The following CIROZ variants were observed in gnomAD, a reference collection of about 807,000 sequenced individuals.
CIROZ encodes the protein ciliated left-right organizer ZP-N domains-containing protein.
At chr1:10,958,715 TG>T in the CIROZ span, 1 of 1,614,132 alleles carries the variant, frequency 6.2e-7, no homozygotes, top group East Asian at 2.2e-5. Context: ...CCCGCTTACC[TG>T]TCTATTGTCC....
chr1:10,980,462 C>T, the CIROZ span, among the ~76,000 whole-genome samples: 6 of 152,286 alleles, frequency 3.9e-5, no homozygotes, highest in African/African-American at 1.2e-4. Context: ...AGCGGGGAGG[C>T]GCTATTATTA....
At chr1:10,966,744 C>T in the CIROZ span, among the ~76,000 whole-genome samples, 1 of 152,132 alleles carries the variant, frequency 6.6e-6, no homozygotes, top group Non-Finnish European at 1.5e-5. Flanking sequence ...GCAGCTGCCT[C>T]CTCCCATGTC....
At chr1:10,951,745 A>ATATATAT in the CIROZ span, among the ~76,000 whole-genome samples, 5 of 119,206 alleles carry the variant, frequency 4.2e-5, no homozygotes, top group African/African-American at 1.8e-4. Context: ...AAAAAAAAAA[A>ATATATAT]ATATATATAT....
the CIROZ span, among the ~76,000 whole-genome samples, chr1:10,980,418 G>A: frequency 6.6e-6 from 1 of 152,258 alleles, no homozygotes; most frequent in Admixed American, 6.5e-5. Flanking sequence ...CTGCTGCCTG[G>A]ACACTGAGCC....
At chr1:10,948,418 C>G in the CIROZ span, 5 of 1,613,146 alleles carry the variant, frequency 3.1e-6, no homozygotes, top group Non-Finnish European at 4.2e-6. Flanking sequence ...GGCTCAGGTG[C>G]AGCCACATCC....
the CIROZ span, among the ~76,000 whole-genome samples, chr1:10,967,130 C>T: frequency 5.5e-5 from 8 of 144,284 alleles, no homozygotes; most frequent in Admixed American, 2.1e-4. Flanking sequence ...GCCTGGGTGA[C>T]GGAGTGAAAC....
chr1:10,960,663 C>T, the CIROZ span, among the ~76,000 whole-genome samples: 1 of 152,246 alleles, frequency 6.6e-6, no homozygotes, highest in African/African-American at 2.4e-5. This position sits in a 1 kb window ranked among gnomAD's most constrained non-coding sequence, Gnocchi z 4.6. Flanking sequence ...TAAGCGAGCT[C>T]GCAGATCGCT....
chr1:10,966,629 A>C, the CIROZ span: 13 of 947,042 alleles, frequency 1.4e-5, no homozygotes, highest in Non-Finnish European at 1.9e-5. Flanking sequence ...AATTTTTAAA[A>C]GTCTGGAAAG....
the CIROZ span, among the ~76,000 whole-genome samples, chr1:10,950,319 G>A: frequency 6.6e-6 from 1 of 152,292 alleles, no homozygotes; most frequent in South Asian, 2.1e-4. Context: ...ACAGGAGTGA[G>A]CCACCACGAC....
the CIROZ span, among the ~76,000 whole-genome samples, chr1:10,966,789 T>G: frequency 6.6e-6 from 1 of 152,078 alleles, no homozygotes; most frequent in Non-Finnish European, 1.5e-5. Context: ...TTGTGTATAT[T>G]TCATGCAGCA....
At chr1:10,966,212 C>T in the CIROZ span, 2 of 1,107,186 alleles carry the variant, frequency 1.8e-6, no homozygotes, top group Non-Finnish European at 2.4e-6. Flanking sequence ...CCATAAACTC[C>T]ATGAGGGCAG....
the CIROZ span, among the ~76,000 whole-genome samples, chr1:10,977,083 C>T: frequency 3.9e-5 from 6 of 152,146 alleles, no homozygotes; most frequent in East Asian, 9.7e-4. Context: ...CACCTGGGCC[C>T]GGGAAGTCAA....
At chr1:10,948,558 TC>T in the CIROZ span, 1 of 1,614,172 alleles carries the variant, frequency 6.2e-7, no homozygotes, top group Non-Finnish European at 8.5e-7. Flanking sequence ...TTCAGGTCGT[TC>T]AGGCCTCGGG....
At chr1:10,979,181 G>A in the CIROZ span, among the ~76,000 whole-genome samples, 3 of 151,960 alleles carry the variant, frequency 2.0e-5, no homozygotes, top group Admixed American at 6.6e-5. Flanking sequence ...TAGTAGAGTC[G>A]GGGGTTTCAC....
At chr1:10,955,406 AC>A in the CIROZ span, among the ~76,000 whole-genome samples, 2 of 152,034 alleles carry the variant, frequency 1.3e-5, no homozygotes, top group African/African-American at 4.8e-5. Context: ...ATTCCCAAAC[AC>A]CTGACAGACC....
chr1:10,948,421 C>A, the CIROZ span: 2 of 1,613,260 alleles, frequency 1.2e-6, no homozygotes, highest in Non-Finnish European at 8.5e-7. Flanking sequence ...TCAGGTGCAG[C>A]CACATCCCCG....
the CIROZ span, among the ~76,000 whole-genome samples, chr1:10,961,778 T>C: frequency 6.6e-6 from 1 of 151,908 alleles, no homozygotes; most frequent in African/African-American, 2.4e-5. Flanking sequence ...ACCCCATCTC[T>C]ACTAAAAACG....
chr1:10,967,605 T>C, the CIROZ span, among the ~76,000 whole-genome samples: 14 of 152,214 alleles, frequency 9.2e-5, no homozygotes, highest in African/African-American at 3.1e-4. Context: ...CAGGGATATT[T>C]GTCTGTTTTG....
At chr1:10,977,507 T>TA in the CIROZ span, among the ~76,000 whole-genome samples, 10 of 151,904 alleles carry the variant, frequency 6.6e-5, no homozygotes, top group South Asian at 1.7e-3. Context: ...ATAAATAAAA[T>TA]GATGAATCTG....
Sources: allele counts gnomAD v4.1 joint callset (sites outside exome capture counted in the v4.1 genomes callset), GRCh38; gene constraint gnomAD v4.1.1; non-coding constraint Gnocchi (gnomAD v3.1); transcripts MANE v1.5; gene names NCBI Gene and HGNC (gene_info 2026-07-23, HGNC 2026-07-21).